The following TMEM69 variants were observed in gnomAD, a reference collection of about 807,000 sequenced individuals.
The protein encoded by TMEM69 is transmembrane protein 69.
TMEM69 carries 17 observed loss-of-function variants against 15.8 expected under a neutral mutation model. That is an observed-to-expected ratio of 1.07 (90% CI 0.73 to 1.61). The LOEUF is 1.61. Among genes scored for constraint, TMEM69 ranks in the 40% most tolerant of loss-of-function variants. TMEM69 has a pLI of 0.00. For synonymous variants in TMEM69, 80 were observed against 98.6 expected, an observed-to-expected ratio of 0.81 and a Z score of 1.12; for missense variants, 230 against 286.1, an observed-to-expected ratio of 0.80 and a Z score of 1.41.
intron 2 of TMEM69, among the ~76,000 whole-genome samples, chr1:45,692,250 C>T (rs10890343): frequency 0.32 from 47,954 of 151,798 alleles, 7,661 homozygotes; most frequent in Middle Eastern, 0.37. Flanking sequence ...ATTGGACTTA[C>T]AAATGGCAGG....
Position 45,693,459 on chromosome 1 carries a change from G to T in TMEM69, c.298G>T (p.Val100Leu). Residue 100 changes from valine (V) to leucine (L), a missense_variant, in exon 3 of 3, where the codon GTA becomes TTA. Coordinates refer to ENST00000372025, the MANE Select transcript of TMEM69 (RefSeq NM_016486.4). ...LTDSPKPALC[V>L]TLAGLIPFVA... ...TGACAGCCCAAAGCCAGCATTATGT[G>T]TAACTCTGGCAGGACTAATCCCCTT... 6.2e-7 allele frequency: 1 copy of T among 1,614,218 alleles called. No homozygotes were observed. The highest frequency in any genetic ancestry group is 8.5e-7 in the Non-Finnish European group (1 of 1,180,048).
intron 2 of TMEM69, 146 bp from the exon 3 acceptor site, chr1:45,693,058 G>A (rs1159680279): frequency 8.5e-6 from 5 of 588,488 alleles, no homozygotes; most frequent in African/African-American, 5.6e-5. Context: ...CATCCTTTCT[G>A]TATAGTTTGA....
rs748041227 is a variant in TMEM69 at position 45,693,612 on chromosome 1, G to A, written c.451G>A (p.Glu151Lys). 6.2e-7 allele frequency: 1 copy of A among 1,614,208 alleles called. No individual in the cohort carries two copies. The highest frequency in any genetic ancestry group is 1.3e-5 in the African/African-American group (1 of 75,056). Reference protein sequence around the residue: ...GGIRWGFALPEGSPAKPDYLN... With the variant: ...GGIRWGFALPKGSPAKPDYLN... Reference sequence around the variant, plus strand: ...GATCAGATGGGGTTTTGCTCTACCAGAAGGTAGTCCAGCCAAACCAGACTA... The same window carrying A: ...GATCAGATGGGGTTTTGCTCTACCAAAAGGTAGTCCAGCCAAACCAGACTA... The change falls in exon 3 of 3, where the codon GAA (glutamate) becomes AAA (lysine). Residue 151 changes from glutamate (E) to lysine (K), a missense_variant. Coordinates refer to ENST00000372025, the MANE Select transcript of TMEM69 (RefSeq NM_016486.4).
At chr1:45,692,368 A>G (rs1645350103) in intron 2 of TMEM69, among the ~76,000 whole-genome samples, 1 of 152,210 alleles carries the variant, frequency 6.6e-6, no homozygotes, top group African/African-American at 2.4e-5. Context: ...AGATTCTTCA[A>G]TAACTTCAAT....
chr1:45,690,847 T>G (rs1351547652), intron 1 of TMEM69, 127 bp from the exon 2 acceptor site: 1 of 580,760 alleles, frequency 1.7e-6, no homozygotes, highest in African/African-American at 1.9e-5. Flanking sequence ...TTTGTTACTG[T>G]GTTACCGACA....
intron 2 of TMEM69, 61 bp from the exon 3 acceptor site, chr1:45,693,143 A>G: frequency 7.8e-7 from 1 of 1,286,696 alleles, no homozygotes; most frequent in Middle Eastern, 2.2e-4. Flanking sequence ...GGGATTGACT[A>G]AAATCTGATG....
At chr1:45,692,384 C>A (rs1356971989) in intron 2 of TMEM69, among the ~76,000 whole-genome samples, 1 of 152,064 alleles carries the variant, frequency 6.6e-6, no homozygotes, top group African/African-American at 2.4e-5. Flanking sequence ...TCAATTTTTT[C>A]TTTAATGCAA....
chr1:45,692,661 T>C (rs1368088874), intron 2 of TMEM69, among the ~76,000 whole-genome samples: 1 of 152,200 alleles, frequency 6.6e-6, no homozygotes, highest in African/African-American at 2.4e-5. Context: ...AGTTGAATTT[T>C]GAATGTTGAG....
rs776336793 is a variant in TMEM69 at position 45,693,293 on chromosome 1, A to G, written c.132A>G (p.Pro44=). The part of the protein sequence containing the change: ...LKMSLQQNFS[P]CPRPWLSSSF... ...TGTCTCTCCAGCAAAACTTTTCCCCATGTCCAAGGCCTTGGCTTTCCTCAT... is the reference window on the plus strand; with the variant it reads ...TGTCTCTCCAGCAAAACTTTTCCCCGTGTCCAAGGCCTTGGCTTTCCTCAT... Residue 44 remains proline (P), a synonymous_variant, in exon 3 of 3, where the codon CCA becomes CCG. Coordinates refer to ENST00000372025, the MANE Select transcript of TMEM69 (RefSeq NM_016486.4). 1.9e-6 allele frequency: 3 copies of G among 1,613,804 alleles called. No homozygotes were observed. Among genetic ancestry groups the G allele is most frequent in the East Asian group, 4.5e-5 (2 of 44,904 alleles).
rs768557940 is a variant in TMEM69, at chr1:45,693,292, CAT to C, written c.132_133del (p.Cys45SerfsTer27). On this transcript the variant is annotated frameshift_variant, in exon 3 of 3. Coordinates refer to ENST00000372025, the MANE Select transcript of TMEM69 (RefSeq NM_016486.4). LOFTEE classifies it high-confidence loss of function. Reference sequence around the variant, plus strand: ...ATGTCTCTCCAGCAAAACTTTTCCCCATGTCCAAGGCCTTGGCTTTCCTCATC... The same window carrying C: ...ATGTCTCTCCAGCAAAACTTTTCCCCGTCCAAGGCCTTGGCTTTCCTCATC... 122 of 1,614,042 alleles carry C rather than the reference CAT, an allele frequency of 7.6e-5. No homozygotes were observed. The highest frequency in any genetic ancestry group is 5.0e-5 in the Admixed American group (3 of 59,998).
Position 45,693,479 on chromosome 1 carries a change from C to A in TMEM69, c.318C>A (p.Ile106=), listed in dbSNP as rs1645359408. The A allele has an allele frequency of 6.2e-7, 1 of 1,614,192 alleles. No individual in the cohort carries two copies. The highest frequency in any genetic ancestry group is 1.1e-5 in the South Asian group (1 of 91,056). Reference sequence around the variant, plus strand: ...TATGTGTAACTCTGGCAGGACTAATCCCCTTCGTTGCTCCACCACTGGTCA... The same window carrying A: ...TATGTGTAACTCTGGCAGGACTAATACCCTTCGTTGCTCCACCACTGGTCA... ...PALCVTLAGL[I]PFVAPPLVML... Residue 106 remains isoleucine (I), a synonymous_variant, in exon 3 of 3, where the codon ATC becomes ATA. Transcript: ENST00000372025.
Position 45,694,238 on chromosome 1 carries a change from T to G in TMEM69, c.*333T>G, listed in dbSNP as rs1645366850. The G allele has an allele frequency of 3.6e-6, 2 of 558,546 alleles. No individual in the cohort carries two copies. The highest frequency in any genetic ancestry group is 6.8e-5 in the Admixed American group (2 of 29,310). 34.6% of individuals were successfully genotyped at this position (558,546 alleles called of 1,614,324 possible). Reference sequence around the variant, plus strand: ...TTTTTTCCCCACACCAATGGTAATTTATCTTCACAGATTGTTCTTCATTTC... The same window carrying G: ...TTTTTTCCCCACACCAATGGTAATTGATCTTCACAGATTGTTCTTCATTTC... On this transcript the variant is annotated 3_prime_UTR_variant, in exon 3 of 3. Coordinates refer to ENST00000372025, the MANE Select transcript of TMEM69 (RefSeq NM_016486.4).
chr1:45,688,996 C>G (rs1216186440), intron 1 of TMEM69, among the ~76,000 whole-genome samples: 1 of 151,356 alleles, frequency 6.6e-6, no homozygotes, highest in South Asian at 2.1e-4. Context: ...CTCCGCCTCC[C>G]AGGTTCAAGC....
chr1:45,688,661 G>T (rs1340113057), intron 1 of TMEM69, among the ~76,000 whole-genome samples: 1 of 152,088 alleles, frequency 6.6e-6, no homozygotes, highest in Admixed American at 6.5e-5. Context: ...GATTTTAAAT[G>T]GAGTGGTCTG....
chr1:45,689,779 A>G (rs1467237380), intron 1 of TMEM69, among the ~76,000 whole-genome samples: 1 of 152,130 alleles, frequency 6.6e-6, no homozygotes, highest in African/African-American at 2.4e-5. Flanking sequence ...CGAAGCTTGC[A>G]GTGAGCTGAG....
chr1:45,693,099 T>G, intron 2 of TMEM69, 105 bp from the exon 3 acceptor site: 2 of 783,086 alleles, frequency 2.6e-6, no homozygotes. Context: ...CTTTTTTGTT[T>G]GCTCCTTTCA....
At position 45,691,096 on chromosome 1, in the gene TMEM69, C is replaced by T; in HGVS notation, c.28C>T (p.Gln10Ter). The change falls in exon 2 of 3, where the codon CAA (glutamine) becomes TAA (stop). Residue 10 changes from glutamine (Q) to a stop codon, truncating the protein, a stop_gained. Coordinates refer to ENST00000372025, the MANE Select transcript of TMEM69 (RefSeq NM_016486.4). LOFTEE classifies it high-confidence loss of function. MLRFIQKFS[Q>*]ASSKILKYSF... ...GCTTCGCTTCATCCAGAAGTTTTCT[C>T]AAGCATCTTCAAAGGTTGGTTTGTT... 6.2e-7 allele frequency: 1 copy of T among 1,614,188 alleles called. No homozygotes were observed. Among genetic ancestry groups the T allele is most frequent in the Non-Finnish European group, 8.5e-7 (1 of 1,180,030 alleles).
chr1:45,691,658 G>T (rs935264196), intron 2 of TMEM69, among the ~76,000 whole-genome samples: 1 of 151,972 alleles, frequency 6.6e-6, no homozygotes, highest in Non-Finnish European at 1.5e-5. Context: ...GGCCAACATG[G>T]TAAAACCCTT....
At chr1:45,690,788 A>C (rs1014552835) in intron 1 of TMEM69, among the ~76,000 whole-genome samples, 186 bp from the exon 2 acceptor site, 3 of 152,204 alleles carry the variant, frequency 2.0e-5, no homozygotes. Context: ...TTTCTATTAC[A>C]CTAGACAGCC....
Sources: gnomAD v4.1 joint callset for allele counts (sites outside exome capture counted in the v4.1 genomes callset) on GRCh38, gnomAD v4.1.1 for gene constraint, MANE v1.5 for transcripts, NCBI Gene and HGNC (gene_info 2026-07-23, HGNC 2026-07-21) for gene names.